CFAP263: variants seen among roughly 807,000 people sequenced by gnomAD.
CFAP263 encodes the protein cilia- and flagella-associated protein 263.
the CFAP263 span, among the ~76,000 whole-genome samples, chr16:58,261,475 G>A: frequency 6.6e-6 from 1 of 152,170 alleles, no homozygotes; most frequent in Non-Finnish European, 1.5e-5. Flanking sequence ...CACAGACACG[G>A]GCCCTGCCCT....
chr16:58,279,921 C>A, the CFAP263 span: 2 of 676,558 alleles, frequency 3.0e-6, no homozygotes, highest in African/African-American at 1.8e-5. Flanking sequence ...TCCTGGGCCA[C>A]ATCTGCCCAT....
chr16:58,260,481 C>G, the CFAP263 span, among the ~76,000 whole-genome samples: 2 of 152,160 alleles, frequency 1.3e-5, no homozygotes, highest in Non-Finnish European at 2.9e-5. Flanking sequence ...ACTGTGCAGG[C>G]AAATCAGAGG....
chr16:58,257,259 C>T, the CFAP263 span, among the ~76,000 whole-genome samples: 3 of 147,516 alleles, frequency 2.0e-5, no homozygotes, highest in African/African-American at 7.4e-5. Flanking sequence ...CCTCGTGATC[C>T]GCCCGCCTCG....
At chr16:58,263,517 G>A in the CFAP263 span, among the ~76,000 whole-genome samples, 84,576 of 152,036 alleles carry the variant, frequency 0.56, 23,971 homozygotes, top group African/African-American at 0.63. Context: ...AAGTTTTGCC[G>A]ACCCCTCGCA....
At chr16:58,266,393 ATATATATATATATTTTTTTTTTT>A in the CFAP263 span, among the ~76,000 whole-genome samples, 3 of 33,702 alleles carry the variant, frequency 8.9e-5, no homozygotes, top group African/African-American at 4.3e-4. Flanking sequence ...ATATATATAT[ATATATATATATATTTTTTTTTTT>A]TTTTTTTTTT....
At chr16:58,251,717 C>G in the CFAP263 span, among the ~76,000 whole-genome samples, 1 of 152,164 alleles carries the variant, frequency 6.6e-6, no homozygotes, top group Admixed American at 6.5e-5. Flanking sequence ...TTCAGCCAAA[C>G]AGGAATTATT....
the CFAP263 span, chr16:58,262,252 G>T: frequency 5.1e-6 from 4 of 781,040 alleles, no homozygotes; most frequent in African/African-American, 6.9e-5. Flanking sequence ...CCAAACAGAT[G>T]CCCAATATGT....
the CFAP263 span, among the ~76,000 whole-genome samples, chr16:58,270,568 A>T: frequency 6.6e-6 from 1 of 151,392 alleles, no homozygotes; most frequent in Non-Finnish European, 1.5e-5. Context: ...ATTTTCTTTC[A>T]CTTTCTTGAT....
At chr16:58,276,236 G>A in the CFAP263 span, among the ~76,000 whole-genome samples, 2 of 152,180 alleles carry the variant, frequency 1.3e-5, no homozygotes, top group Non-Finnish European at 2.9e-5. Flanking sequence ...AAGCTATGAT[G>A]GGATATTATT....
At chr16:58,282,576 GTGA>G in the CFAP263 span, 1 of 152,402 alleles carries the variant, frequency 6.6e-6, no homozygotes, top group African/African-American at 2.4e-5. Context: ...TGATTCCCTG[GTGA>G]TCTCTCAGCA....
the CFAP263 span, among the ~76,000 whole-genome samples, chr16:58,276,831 T>A: frequency 6.6e-6 from 1 of 152,250 alleles, no homozygotes; most frequent in African/African-American, 2.4e-5. Flanking sequence ...ATGAGTAAAT[T>A]CTTCATGTGT....
chr16:58,258,285 G>A, the CFAP263 span: 1 of 1,238,162 alleles, frequency 8.1e-7, no homozygotes, highest in Non-Finnish European at 1.1e-6. Context: ...ACACAAAGAG[G>A]CCTGGGAACT....
the CFAP263 span, among the ~76,000 whole-genome samples, chr16:58,265,184 G>C: frequency 2.0e-5 from 3 of 152,222 alleles, no homozygotes; most frequent in Non-Finnish European, 4.4e-5. Context: ...TCTACACCCT[G>C]TATAATCTCT....
the CFAP263 span, chr16:58,281,830 G>A: frequency 6.7e-6 from 1 of 148,498 alleles, no homozygotes; most frequent in East Asian, 2.0e-4. Context: ...CTGGGTGTGT[G>A]GTCTGTCTTG....
chr16:58,249,939 G>T, the CFAP263 span: 2 of 987,044 alleles, frequency 2.0e-6, no homozygotes, highest in Non-Finnish European at 3.2e-6. Context: ...CCGCGTCGCA[G>T]CCGGAGTGAC....
the CFAP263 span, among the ~76,000 whole-genome samples, chr16:58,262,730 T>A: frequency 4.8e-5 from 7 of 145,176 alleles, no homozygotes; most frequent in Non-Finnish European, 1.1e-4. Context: ...AGTTTTTCTT[T>A]AAAAAACAAA....
At chr16:58,267,606 G>A in the CFAP263 span, 1 of 1,456,862 alleles carries the variant, frequency 6.9e-7, no homozygotes, top group Non-Finnish European at 9.6e-7. Flanking sequence ...AGCAAAATGT[G>A]GTATTTCTGA....
At chr16:58,268,842 T>C in the CFAP263 span, among the ~76,000 whole-genome samples, 3 of 152,208 alleles carry the variant, frequency 2.0e-5, no homozygotes, top group Non-Finnish European at 4.4e-5. Flanking sequence ...CTGACATTCA[T>C]TGCTTAGTAT....
chr16:58,259,988 G>A, the CFAP263 span: 1 of 1,199,396 alleles, frequency 8.3e-7, no homozygotes, highest in Non-Finnish European at 1.2e-6. Flanking sequence ...TACTGTGGTA[G>A]GCTGAATAAG....
Sources: gnomAD v4.1 joint callset for allele counts (sites outside exome capture counted in the v4.1 genomes callset) on GRCh38, gnomAD v4.1.1 for gene constraint, MANE v1.5 for transcripts, NCBI Gene and HGNC (gene_info 2026-07-23, HGNC 2026-07-21) for gene names.